Variants in FGD4 observed in about 807,000 individuals in gnomAD.
FGD4 encodes the protein FYVE, RhoGEF and PH domain-containing protein 4.
FGD4 carries 42 observed loss-of-function variants against 102.0 expected under a neutral mutation model. The observed-to-expected ratio is 0.41, with a 90% confidence interval of 0.32 to 0.53. The LOEUF (loss-of-function observed/expected upper bound fraction) is 0.53. Among genes scored for constraint, FGD4 ranks in the 20% least tolerant of loss-of-function variants. FGD4 has a pLI of 0.21. For synonymous variants in FGD4, 380 were observed against 375.7 expected (o/e 1.01, Z -0.13); for missense variants, 902 against 1,078.2 (o/e 0.84, Z 2.29).
At chr12:32,495,844 A>G (rs1937781347) in intron 1 of FGD4, among the ~76,000 whole-genome samples, 1 of 152,084 alleles carries the variant, frequency 6.6e-6, no homozygotes, top group Non-Finnish European at 1.5e-5. Context: ...TGCTTCACCT[A>G]CCGTGCATAC....
At chr12:32,408,143 G>T in intron 1 of FGD4, among the ~76,000 whole-genome samples, 1 of 150,746 alleles carries the variant, frequency 6.6e-6, no homozygotes, top group African/African-American at 2.4e-5. Flanking sequence ...GGGATTACAG[G>T]CCACACCATC....
intron 3 of FGD4, among the ~76,000 whole-genome samples, chr12:32,579,026 C>T (rs1288178824): frequency 7.0e-6 from 1 of 142,756 alleles, no homozygotes; most frequent in Non-Finnish European, 1.5e-5. Flanking sequence ...TTCTACAGAC[C>T]TGAACATTAG....
chr12:32,509,043 C>CA (rs1424965117), intron 1 of FGD4, among the ~76,000 whole-genome samples: 3 of 152,182 alleles, frequency 2.0e-5, no homozygotes, highest in Non-Finnish European at 4.4e-5. Flanking sequence ...TTCTATATGT[C>CA]AGAGACTGCA....
chr12:32,552,820 T>C (rs1382459540), intron 1 of FGD4, among the ~76,000 whole-genome samples: 2 of 149,600 alleles, frequency 1.3e-5, no homozygotes, highest in African/African-American at 2.5e-5. Flanking sequence ...TCTTGTTGCC[T>C]AGGCTGGAGT....
intron 1 of FGD4, among the ~76,000 whole-genome samples, chr12:32,490,399 C>CTTT (rs3077004): frequency 0.013 from 1,661 of 130,866 alleles, 33 homozygotes; most frequent in Middle Eastern, 0.024. Context: ...TTTTATCAGT[C>CTTT]TTTTTTTTTT....
At chr12:32,489,748 G>C (rs558976546) in intron 1 of FGD4, among the ~76,000 whole-genome samples, 2 of 152,214 alleles carry the variant, frequency 1.3e-5, no homozygotes, top group African/African-American at 4.8e-5. Context: ...TGTAAGATAG[G>C]TGATATGACC....
At chr12:32,600,200 C>T (rs1948281620) in intron 5 of FGD4, among the ~76,000 whole-genome samples, 2 of 152,210 alleles carry the variant, frequency 1.3e-5, no homozygotes, top group South Asian at 4.1e-4. Flanking sequence ...AAACAACTTT[C>T]TTCCTTATGG....
Position 32,640,722 on chromosome 12 carries a change from A to C in FGD4, c.*189A>C. 1 of 798,796 alleles carries C rather than the reference A, an allele frequency of 1.3e-6. No individual in the cohort carries two copies. Among genetic ancestry groups the C allele is most frequent in the Non-Finnish European group, 1.9e-6 (1 of 515,120 alleles). 49.5% of individuals were successfully genotyped at this position (798,796 alleles called of 1,614,324 possible). A position where few individuals can be genotyped will look rare whatever the true frequency, so the allele number is the denominator to read the frequency against. Reference sequence around the variant, plus strand: ...AGTGTGCAGAGTCATTCTACCGATAAAGTTTTGAAATAATGTGAAAACTGG... The same window carrying C: ...AGTGTGCAGAGTCATTCTACCGATACAGTTTTGAAATAATGTGAAAACTGG... On this transcript the variant is annotated 3_prime_UTR_variant, in exon 17 of 17. Transcript: ENST00000534526.
rs766601132 is a variant in FGD4 at position 32,625,056 on chromosome 12, C to G, written c.2034C>G (p.His678Gln). 1 of 1,612,420 alleles carries G rather than the reference C, an allele frequency of 6.2e-7. No individual in the cohort carries two copies. The change falls in exon 13 of 17, where the codon CAC (histidine) becomes CAG (glutamine). Residue 678 changes from histidine (H) to glutamine (Q), a missense_variant. By Grantham distance (24) the His-to-Gln change is conservative. Coordinates refer to ENST00000534526, the MANE Select transcript of FGD4 (RefSeq NM_001370298.3). Reference sequence around the variant, plus strand: ...CAATTGCAAAGGATAATGACATTCACTCAGAGGTTTCTGTGAGTTGAATTA... The same window carrying G: ...CAATTGCAAAGGATAATGACATTCAGTCAGAGGTTTCTGTGAGTTGAATTA... ...RNAIAKDNDI[H>Q]SEVSTAELGK...
At chr12:32,513,032 C>T (rs1216595536) in intron 1 of FGD4, among the ~76,000 whole-genome samples, 2 of 152,068 alleles carry the variant, frequency 1.3e-5, no homozygotes, top group Non-Finnish European at 2.9e-5. Context: ...CTTTGCTGGG[C>T]CAATAAAGAT....
intron 1 of FGD4, among the ~76,000 whole-genome samples, chr12:32,527,855 T>C (rs1302598909): frequency 6.6e-6 from 1 of 152,260 alleles, no homozygotes; most frequent in Non-Finnish European, 1.5e-5. Context: ...GGGATCAATT[T>C]CCTAATTTAG....
chr12:32,541,683 AAG>A (rs1332079041), intron 1 of FGD4, among the ~76,000 whole-genome samples: 2 of 152,172 alleles, frequency 1.3e-5, no homozygotes, highest in Non-Finnish European at 2.9e-5. Context: ...TTTTCTTAAA[AAG>A]AGAATATCAA....
intron 15 of FGD4, 96 bp downstream of exon 15, chr12:32,633,785 A>G: frequency 2.7e-6 from 3 of 1,098,404 alleles, no homozygotes; most frequent in Non-Finnish European, 2.6e-6. Flanking sequence ...GCACGATCTC[A>G]GCTCACTGCA....
intron 1 of FGD4, among the ~76,000 whole-genome samples, chr12:32,452,000 G>GT (rs1436064514): frequency 6.6e-6 from 1 of 152,076 alleles, no homozygotes; most frequent in African/African-American, 2.4e-5. Flanking sequence ...CTTCCTGAAT[G>GT]TTTTTTATTC....
chr12:32,539,299 G>T (rs5006548), intron 1 of FGD4, among the ~76,000 whole-genome samples: 61,207 of 151,852 alleles, frequency 0.4, 13,649 homozygotes, highest in African/African-American at 0.6. Flanking sequence ...GCCAGGTGCG[G>T]TGGCTCACAT....
intron 1 of FGD4, among the ~76,000 whole-genome samples, chr12:32,443,015 T>C (rs1241259564): frequency 6.6e-6 from 1 of 152,230 alleles, no homozygotes; most frequent in Non-Finnish European, 1.5e-5. Context: ...TGCCCATGTT[T>C]TAATTTGGTT....
At chr12:32,512,276 C>T (rs1939452253) in intron 1 of FGD4, among the ~76,000 whole-genome samples, 1 of 151,906 alleles carries the variant, frequency 6.6e-6, no homozygotes, top group South Asian at 2.1e-4. Flanking sequence ...GTGAAACTCC[C>T]TCTCTACTAA....
intron 1 of FGD4, among the ~76,000 whole-genome samples, chr12:32,485,501 C>T (rs1194882003): frequency 3.0e-5 from 4 of 134,650 alleles, no homozygotes; most frequent in Admixed American, 2.6e-4. Context: ...AGTGCAGTGG[C>T]GGGATCTGGG....
chr12:32,467,369 T>G (rs1943286581), intron 1 of FGD4, among the ~76,000 whole-genome samples: 2 of 152,322 alleles, frequency 1.3e-5, no homozygotes, highest in South Asian at 2.1e-4. Context: ...CTGGCTCTAC[T>G]ACCCAACCAT....
Sources: allele counts gnomAD v4.1 joint callset (sites outside exome capture counted in the v4.1 genomes callset), GRCh38; gene constraint gnomAD v4.1.1; transcripts MANE v1.5; gene names NCBI Gene and HGNC (gene_info 2026-07-23, HGNC 2026-07-21).